The following SLC38A9 variants were observed in gnomAD, a reference collection of about 807,000 sequenced individuals.
SLC38A9 encodes solute carrier family 38 member 9.
A neutral mutation model predicts 62.3 loss-of-function variants in SLC38A9; 48 were observed. That is an observed-to-expected ratio of 0.77 (90% CI 0.61 to 0.98). The LOEUF is 0.98. SLC38A9 is among the 50% of genes least tolerant of loss of function. The probability of loss-of-function intolerance (pLI) is 0.00; values close to 1 mark genes in which losing one functional copy is unlikely to be tolerated. For missense variants in SLC38A9, 541 were observed against 679.8 expected, an observed-to-expected ratio of 0.80 and a Z score of 2.27; for synonymous variants, 204 against 227.7, an observed-to-expected ratio of 0.90 and a Z score of 0.94.
At chr5:55,630,116 T>C (rs1743168457) in intron 14 of SLC38A9, among the ~76,000 whole-genome samples, 1 of 152,198 alleles carries the variant, frequency 6.6e-6, no homozygotes, top group South Asian at 2.1e-4. Context: ...CAAAGAAGAA[T>C]ATCCACAATT....
chr5:55,626,486 G>A lies in SLC38A9; in HGVS notation c.*8C>T. 1 of 1,606,168 alleles carries A rather than the reference G, an allele frequency of 6.2e-7. No individual in the cohort carries two copies. Among genetic ancestry groups the A allele is most frequent in the Non-Finnish European group, 8.5e-7 (1 of 1,176,072 alleles). ...ATGAGAGCTCTTGAAAAAAACAGTT[G>A]AGGTATTTCACATAAAAAACTGAAC... is the stretch of plus-strand genomic sequence containing the variant. On this transcript the variant is annotated 3_prime_UTR_variant, in exon 16 of 16. Coordinates refer to ENST00000396865, the MANE Select transcript of SLC38A9 (RefSeq NM_173514.4).
chr5:55,693,559 T>C (rs1055682092), intron 3 of SLC38A9: 1 of 152,172 alleles, frequency 6.6e-6, no homozygotes, highest in East Asian at 1.9e-4. Context: ...CCATATAAAC[T>C]TTGGAATAGG....
Position 55,692,821 on chromosome 5 carries a change from C to G in SLC38A9, c.113+5025G>C, listed in dbSNP as rs958689677. The G allele has an allele frequency of 7.1e-6, 7 of 984,432 alleles. No homozygotes were observed. In the African/African-American group the frequency reaches 1.0e-4, roughly 15 times the overall value. 61.0% of individuals were successfully genotyped at this position (984,432 alleles called of 1,614,324 possible). A position where few individuals can be genotyped will look rare whatever the true frequency, so the allele number is the denominator to read the frequency against. On this transcript the variant is annotated intron_variant, in intron 3 of 15. Coordinates refer to ENST00000396865, the MANE Select transcript of SLC38A9 (RefSeq NM_173514.4). The stretch of plus-strand genomic sequence containing the variant: ...AATTTTCAAGAAAACCCTGAGCATT[C>G]AAGTCAGCATTCATTAGTGCTTATA...
At chr5:55,656,328 A>G (rs1347243291) in intron 9 of SLC38A9, among the ~76,000 whole-genome samples, 1 of 151,870 alleles carries the variant, frequency 6.6e-6, no homozygotes, top group Non-Finnish European at 1.5e-5. Context: ...ATATATATTA[A>G]TAACTAAAAC....
At chr5:55,712,333 C>A (rs1263145138), upstream of SLC38A9, 1 of 152,722 alleles carries the variant, frequency 6.5e-6, no homozygotes, top group Admixed American at 6.5e-5. Context: ...GCGGCAATAG[C>A]CTGGGTCGCA....
chr5:55,659,577 G>A (rs1561356757), intron 8 of SLC38A9, among the ~76,000 whole-genome samples: 4 of 151,458 alleles, frequency 2.6e-5, no homozygotes, highest in African/African-American at 7.3e-5. Flanking sequence ...TAGTAGAGAC[G>A]GGGTTTCACT....
At chr5:55,658,824 C>T (rs1192020951) in intron 8 of SLC38A9, among the ~76,000 whole-genome samples, 3 of 152,108 alleles carry the variant, frequency 2.0e-5, no homozygotes, top group African/African-American at 7.2e-5. Context: ...CACAAAAGAT[C>T]TAAACAAATA....
At chr5:55,661,444 CAAAAAAAAAAAA>C (rs3072768) in intron 8 of SLC38A9, among the ~76,000 whole-genome samples, 7 of 67,646 alleles carry the variant, frequency 1.0e-4, no homozygotes, top group African/African-American at 4.3e-4. Flanking sequence ...GACTCCGTCT[CAAAAAAAAAAAA>C]AAAAAAAAAA....
chr5:55,626,313 G>T lies in SLC38A9; in HGVS notation c.*181C>A. 2 of 527,586 alleles carry T rather than the reference G, an allele frequency of 3.8e-6. No homozygotes were observed. The highest frequency in any genetic ancestry group is 6.7e-6 in the Non-Finnish European group (2 of 298,724). The allele number at this position is 527,586 out of a possible 1,614,324, so 32.7% of individuals were successfully genotyped here. A position where few individuals can be genotyped will look rare whatever the true frequency, so the allele number is the denominator to read the frequency against. ...TAAAGACACTAAGATCATTCTTTTT[G>T]CCCCTTTCCCCACCCCAATAAAAAA... is the stretch of plus-strand genomic sequence containing the variant. On this transcript the variant is annotated 3_prime_UTR_variant, in exon 16 of 16. Transcript: ENST00000396865.
At chr5:55,688,722 T>G (rs1754319434) in intron 3 of SLC38A9, among the ~76,000 whole-genome samples, 1 of 151,912 alleles carries the variant, frequency 6.6e-6, no homozygotes, top group African/African-American at 2.4e-5. Flanking sequence ...AATACCCCAT[T>G]TACTAGCCTT....
intron 12 of SLC38A9, among the ~76,000 whole-genome samples, chr5:55,641,295 G>A (rs1407596362): frequency 6.6e-6 from 1 of 152,130 alleles, no homozygotes; most frequent in Non-Finnish European, 1.5e-5. Flanking sequence ...TCCATGCCTT[G>A]GTGAACTGCC....
At chr5:55,652,491 AT>A in intron 10 of SLC38A9, 37 bp downstream of exon 10, 1 of 1,357,866 alleles carries the variant, frequency 7.4e-7, no homozygotes, top group Non-Finnish European at 1.0e-6. Context: ...CACGTATTCT[AT>A]TACACAAAGT....
chr5:55,710,461 G>C (rs916646857), intron 2 of SLC38A9, among the ~76,000 whole-genome samples: 4 of 152,068 alleles, frequency 2.6e-5, no homozygotes, highest in Non-Finnish European at 5.9e-5. Context: ...GCCCACCTCA[G>C]CCTCCCAAAA....
At chr5:55,708,236 G>A (rs946541767) in intron 2 of SLC38A9, among the ~76,000 whole-genome samples, 1 of 152,132 alleles carries the variant, frequency 6.6e-6, no homozygotes, top group Non-Finnish European at 1.5e-5. Context: ...AGGCTGAGGT[G>A]AGAGAACTGC....
At chr5:55,710,608 T>C (rs1211085858) in intron 2 of SLC38A9, among the ~76,000 whole-genome samples, 1 of 152,060 alleles carries the variant, frequency 6.6e-6, no homozygotes, top group Admixed American at 6.5e-5. Context: ...AAACTTTTTT[T>C]GTTTAGTTTT....
chr5:55,676,711 CG>C (rs1288581618), intron 3 of SLC38A9, among the ~76,000 whole-genome samples: 1 of 152,208 alleles, frequency 6.6e-6, no homozygotes, highest in East Asian at 1.9e-4. Flanking sequence ...ACTTTTTCTA[CG>C]ACGACACATA....
At position 55,652,704 on chromosome 5, in the gene SLC38A9, C is replaced by T. The variant is rs1274369617; in HGVS notation, c.777G>A (p.Gly259=). 2 of 1,612,438 alleles carry T rather than the reference C, an allele frequency of 1.2e-6. No homozygotes were observed. The highest frequency in any genetic ancestry group is 1.7e-5 in the Admixed American group (1 of 59,776). The change falls in exon 10 of 16, where the codon GGG becomes GGA. Residue 259 remains glycine (G), a synonymous_variant. Transcript: ENST00000396865. ...AGCTGTTGTCAGGATGGCCTCCACT[C>T]CCGGCACTTGGACAAATCACTGCAA... ...NSNPVICPSA[G]SGGHPDNSSM... is the part of the protein sequence containing the mutation.
intron 11 of SLC38A9, among the ~76,000 whole-genome samples, chr5:55,646,244 G>A (rs915144064): frequency 6.6e-6 from 1 of 152,178 alleles, no homozygotes; most frequent in African/African-American, 2.4e-5. Context: ...GGTGGTGGAA[G>A]CCTGTAATCC....
chr5:55,692,855 CATT>C (rs1485242386), intron 3 of SLC38A9: 17 of 980,496 alleles, frequency 1.7e-5, no homozygotes, highest in Non-Finnish European at 2.1e-5. Context: ...TATTTACTGA[CATT>C]GGATTATATA....
Sources: allele counts gnomAD v4.1 joint callset (sites outside exome capture counted in the v4.1 genomes callset), GRCh38; gene constraint gnomAD v4.1.1; transcripts MANE v1.5; gene names NCBI Gene and HGNC (gene_info 2026-07-23, HGNC 2026-07-21).